PRKAR1B: variants seen among roughly 807,000 people sequenced by gnomAD.
PRKAR1B encodes the protein protein kinase cAMP-dependent type I regulatory subunit beta.
Under a neutral mutation model 46.5 loss-of-function variants are expected in PRKAR1B, and 22 were observed. The ratio of observed to expected loss-of-function variants is 0.47; its 90% CI spans 0.34 to 0.68. The LOEUF (loss-of-function observed/expected upper bound fraction) is 0.68. Among genes scored for constraint, PRKAR1B ranks in the 30% least tolerant of loss-of-function variants. The probability of loss-of-function intolerance (pLI) is 0.01; values close to 1 mark genes in which losing one functional copy is unlikely to be tolerated. For synonymous variants in PRKAR1B, 259 were observed against 217.7 expected, an observed-to-expected ratio of 1.19 and a Z score of -1.67; for missense variants, 445 against 535.6, an observed-to-expected ratio of 0.83 and a Z score of 1.67.
chr7:687,249 A>G (rs1406654240), intron 2 of PRKAR1B, among the ~76,000 whole-genome samples: 1 of 152,270 alleles, frequency 6.6e-6, no homozygotes, highest in East Asian at 1.9e-4. Flanking sequence ...AAAAGACAAT[A>G]CAAAAAGATC....
chr7:718,532 T>A (rs1780963775), intron 1 of PRKAR1B, among the ~76,000 whole-genome samples: 1 of 151,836 alleles, frequency 6.6e-6, no homozygotes, highest in South Asian at 2.1e-4. Context: ...AATTTTTGTA[T>A]TTTTAGTAGA....
At chr7:551,775 C>T (rs1166721726) in intron 9 of PRKAR1B, among the ~76,000 whole-genome samples, 40 of 129,668 alleles carry the variant, frequency 3.1e-4, no homozygotes, top group African/African-American at 6.3e-4. Flanking sequence ...CGGGTCCTTC[C>T]CTCGGAGCCA....
intron 8 of PRKAR1B, among the ~76,000 whole-genome samples, chr7:582,996 C>G (rs544726562): frequency 1.3e-5 from 2 of 152,162 alleles, no homozygotes; most frequent in Non-Finnish European, 2.9e-5. Context: ...TCCATTCCCA[C>G]GAAACGTCCC....
At chr7:652,373 C>T (rs919927616) in intron 4 of PRKAR1B, among the ~76,000 whole-genome samples, 1 of 150,144 alleles carries the variant, frequency 6.7e-6, no homozygotes, top group Non-Finnish European at 1.5e-5. Flanking sequence ...CTGGGGAAAC[C>T]CCTCTCGGAA....
intron 2 of PRKAR1B, among the ~76,000 whole-genome samples, chr7:699,398 C>G (rs1259125380): frequency 2.0e-5 from 3 of 152,136 alleles, no homozygotes; most frequent in Non-Finnish European, 4.4e-5. Context: ...ACGGTTAGGG[C>G]CCCTCCCAAC....
intron 9 of PRKAR1B, chr7:578,880 C>A (rs989237340): frequency 4.9e-6 from 2 of 405,848 alleles, no homozygotes; most frequent in African/African-American, 4.4e-5. Context: ...CGGGGTTTCA[C>A]CATGTTGGCC....
Position 672,772 on chromosome 7 carries a change from G to C in PRKAR1B, c.440+4457C>G, listed in dbSNP as rs562785192. On this transcript the variant is annotated intron_variant, in intron 4 of 10. Coordinates refer to ENST00000537384, the MANE Select transcript of PRKAR1B (RefSeq NM_001164760.2). ...AATCCCAGCTACTTGGAAGGCTGAG[G>C]CAGGGGAATCGCTTGAACCCGGAGG... 2.0e-4 allele frequency among the ~76,000 whole-genome samples: 30 copies of C among 152,048 alleles called. 1 individual carries two copies. The highest frequency in any genetic ancestry group is 7.2e-4 in the African/African-American group (30 of 41,450).
At chr7:715,351 AG>A (rs1780834941) in intron 1 of PRKAR1B, among the ~76,000 whole-genome samples, 1 of 152,116 alleles carries the variant, frequency 6.6e-6, no homozygotes, top group Admixed American at 6.5e-5. Flanking sequence ...AGACACAAAG[AG>A]GGGTCTGGTG....
intron 1 of PRKAR1B, among the ~76,000 whole-genome samples, chr7:721,083 C>G (rs370339907): frequency 2.0e-5 from 3 of 152,184 alleles, no homozygotes; most frequent in Non-Finnish European, 4.4e-5. Flanking sequence ...TGCAACCCAT[C>G]GGTCTATCGG....
intron 6 of PRKAR1B, 36 bp from the exon 7 acceptor site, chr7:596,340 C>T (rs1325139048): frequency 1.3e-6 from 2 of 1,584,376 alleles, no homozygotes; most frequent in African/African-American, 1.3e-5. Flanking sequence ...TCACGGGGGC[C>T]AGGCAGGGTG....
chr7:560,911 G>C lies in PRKAR1B; in HGVS notation c.892-9441C>G, dbSNP rs1017724398. The stretch of plus-strand genomic sequence containing the variant: ...CCTCCCTCCAGTGAGACTCCTCAGA[G>C]CCTGGAAAATTCAGGCTCACTCCAG... On this transcript the variant is annotated intron_variant, in intron 9 of 10. Coordinates refer to ENST00000537384, the MANE Select transcript of PRKAR1B (RefSeq NM_001164760.2). The surrounding 1 kb of genome is among the most constrained non-coding windows in gnomAD (Gnocchi z 4.2). 6.6e-6 allele frequency among the ~76,000 whole-genome samples: 1 copy of C among 152,186 alleles called. No individual in the cohort carries two copies. Among genetic ancestry groups the C allele is most frequent in the Non-Finnish European group, 1.5e-5 (1 of 68,040 alleles).
chr7:684,519 C>T (rs559244560), intron 2 of PRKAR1B, among the ~76,000 whole-genome samples: 2 of 152,314 alleles, frequency 1.3e-5, no homozygotes, highest in East Asian at 3.9e-4. Context: ...TGGAATTTGA[C>T]ATTCAGACGA....
chr7:671,834 A>G (rs1786271999), intron 4 of PRKAR1B, among the ~76,000 whole-genome samples: 1 of 152,138 alleles, frequency 6.6e-6, no homozygotes, highest in Non-Finnish European at 1.5e-5. Flanking sequence ...TGCCCCAGCC[A>G]TGCCTGGAAC....
In PRKAR1B at chr7:689,182, C is replaced by A. The variant is rs181978438; in HGVS notation, c.178-8456G>T. ...CCAGGCTGGAGTGCAGTGGCGCGAT[C>A]TCGGCTCACTGCAAGCTCTGCCTCT... On this transcript the variant is annotated intron_variant, in intron 2 of 10. Transcript: ENST00000537384. Among the ~76,000 whole-genome samples the A allele has an allele frequency of 4.6e-3, 700 of 152,100 alleles. 5 individuals are homozygous for A. Among genetic ancestry groups the A allele is most frequent in the African/African-American group, 0.016 (653 of 41,494 alleles).
intron 4 of PRKAR1B, among the ~76,000 whole-genome samples, chr7:658,189 T>G (rs1785311699): frequency 6.6e-6 from 1 of 151,830 alleles, no homozygotes; most frequent in African/African-American, 2.4e-5. Flanking sequence ...ATCCCAGCAC[T>G]TTGAGATGCC....
In PRKAR1B at chr7:577,042, G is replaced by A. The variant is rs146770313; in HGVS notation, c.891+2214C>T. ...CTCACCCAACGCCATCAGCGGCCCC[G>A]TCCAACTCCATCAGTCACCTCACCC... On this transcript the variant is annotated intron_variant, in intron 9 of 10. Coordinates refer to ENST00000537384, the MANE Select transcript of PRKAR1B (RefSeq NM_001164760.2). Among the ~76,000 whole-genome samples, 293 of 135,698 alleles carry A rather than the reference G, an allele frequency of 2.2e-3. 1 individual carries two copies. Among genetic ancestry groups the A allele is most frequent in the Middle Eastern group, 8.0e-3 (2 of 250 alleles). 89.0% of individuals were successfully genotyped at this position (135,698 alleles called of 152,430 possible).
At chr7:606,902 A>C (rs938936138) in intron 5 of PRKAR1B, among the ~76,000 whole-genome samples, 5 of 152,186 alleles carry the variant, frequency 3.3e-5, no homozygotes, top group Admixed American at 6.5e-5. Flanking sequence ...ATATATGTGT[A>C]CATATATGTA....
In PRKAR1B at chr7:593,656, G is replaced by A. The variant is rs921593128; in HGVS notation, c.708+2490C>T. On this transcript the variant is annotated intron_variant, in intron 7 of 10. Coordinates refer to ENST00000537384, the MANE Select transcript of PRKAR1B (RefSeq NM_001164760.2). The surrounding 1 kb of genome is among the most constrained non-coding windows in gnomAD (Gnocchi z 6.1). ...CCAAAACCGCTCCAGCCCCTCTCAG[G>A]GGGAGGGTGTCTCAGGGGACCCCTC... Among the ~76,000 whole-genome samples, 14 of 152,148 alleles carry A rather than the reference G, an allele frequency of 9.2e-5. No homozygotes were observed. Among genetic ancestry groups the A allele is most frequent in the African/African-American group, 3.4e-4 (14 of 41,422 alleles).
At chr7:600,998 T>C (rs1781556692) in intron 6 of PRKAR1B, among the ~76,000 whole-genome samples, 1 of 152,196 alleles carries the variant, frequency 6.6e-6, no homozygotes, top group Non-Finnish European at 1.5e-5. Flanking sequence ...GCTCTTGGCA[T>C]TTTGTCACCT....
Sources: gnomAD v4.1 joint callset for allele counts (sites outside exome capture counted in the v4.1 genomes callset) on GRCh38, gnomAD v4.1.1 for gene constraint, Gnocchi (gnomAD v3.1) non-coding constraint, MANE v1.5 for transcripts, NCBI Gene and HGNC (gene_info 2026-07-23, HGNC 2026-07-21) for gene names.